Variants in ECM2 observed in about 807,000 individuals in gnomAD.
ECM2 encodes the protein extracellular matrix protein 2.
ECM2 carries 57 observed loss-of-function variants against 67.5 expected under a neutral mutation model. The ratio of observed to expected loss-of-function variants is 0.84; its 90% CI spans 0.68 to 1.05. ECM2 has a LOEUF of 1.05. ECM2 is among the 50% of genes least tolerant of loss of function. ECM2 has a pLI of 0.00. For synonymous variants in ECM2, 258 were observed against 294.5 expected (o/e 0.88, Z 1.27); for missense variants, 741 against 822.8 (o/e 0.90, Z 1.22).
intron 1 of ECM2, among the ~76,000 whole-genome samples, chr9:92,529,917 G>A (rs1471659578): frequency 2.6e-5 from 4 of 152,130 alleles, no homozygotes; most frequent in African/African-American, 7.2e-5. Context: ...AACCATGAGC[G>A]AAAAATGTAG....
Position 92,505,643 on chromosome 9 carries a change from C to T in ECM2, c.1354G>A (p.Glu452Lys). The change falls in exon 7 of 10, where the codon GAA becomes AAA. Residue 452 changes from glutamate to lysine, a missense_variant. Glu to Lys is a moderately conservative substitution (Grantham distance 56). Transcript: ENST00000344604. ...AAAGCTAAAGGATTGACATTGGCTT[C>T]ACTGAGATTGTTTCCTTCCAATTCT... Reference protein sequence around the residue: ...TLELEGNNLSEANVNPLAFKP... With the variant: ...TLELEGNNLSKANVNPLAFKP... The T allele has an allele frequency of 6.2e-7, 1 of 1,607,806 alleles. No individual in the cohort carries two copies. The highest frequency in any genetic ancestry group is 8.5e-7 in the Non-Finnish European group (1 of 1,178,272).
intron 8 of ECM2, 61 bp downstream of exon 8, chr9:92,502,452 G>GT (rs1409184564): frequency 4.4e-6 from 7 of 1,574,908 alleles, no homozygotes; most frequent in Non-Finnish European, 6.1e-6. Context: ...TCCATACTCT[G>GT]TTTAATAATA....
intron 2 of ECM2, among the ~76,000 whole-genome samples, chr9:92,521,532 T>G (rs1330326613): frequency 6.6e-6 from 1 of 152,204 alleles, no homozygotes; most frequent in East Asian, 1.9e-4. Context: ...AGACAATATA[T>G]GAAATACTGG....
chr9:92,532,027 T>TTTG (rs1848817869), intron 1 of ECM2, among the ~76,000 whole-genome samples: 1 of 128,806 alleles, frequency 7.8e-6, no homozygotes, highest in African/African-American at 3.5e-5. Flanking sequence ...TTTTTTTTTT[T>TTTG]TATTTTATTT....
the ECM2 span, among the ~76,000 whole-genome samples, chr9:92,543,736 T>C: frequency 6.6e-6 from 1 of 152,180 alleles, no homozygotes; most frequent in Non-Finnish European, 1.5e-5. Flanking sequence ...CAGCGATTTA[T>C]AGGTTTCAGT....
At chr9:92,523,306 G>C (rs949486621) in intron 1 of ECM2, among the ~76,000 whole-genome samples, 1 of 152,080 alleles carries the variant, frequency 6.6e-6, no homozygotes, top group African/African-American at 2.4e-5. Context: ...TTTCTATAAA[G>C]GGCCAGATAG....
chr9:92,519,466 G>A (rs547039633), intron 2 of ECM2, among the ~76,000 whole-genome samples: 2 of 152,310 alleles, frequency 1.3e-5, no homozygotes, highest in Middle Eastern at 6.8e-3. Context: ...ACTAGTATAA[G>A]CATAGACGTA....
chr9:92,517,363 G>T, intron 3 of ECM2: 1 of 505,026 alleles, frequency 2.0e-6, no homozygotes, highest in East Asian at 3.5e-5. Flanking sequence ...GACCAAAGCA[G>T]AGCCCTTAAT....
chr9:92,532,030 T>TC (rs1236230389), intron 1 of ECM2, among the ~76,000 whole-genome samples: 1 of 125,758 alleles, frequency 8.0e-6, no homozygotes, highest in East Asian at 2.2e-4. Flanking sequence ...TTTTTTTTTA[T>TC]TTTATTTTTT....
At chr9:92,532,306 A>T (rs1489209031) in intron 1 of ECM2, among the ~76,000 whole-genome samples, 3 of 150,432 alleles carry the variant, frequency 2.0e-5, no homozygotes, top group African/African-American at 4.9e-5. Flanking sequence ...CAGCTGTTTC[A>T]CTCTGTATAC....
chr9:92,553,260 A>T, the ECM2 span, among the ~76,000 whole-genome samples: 1 of 152,128 alleles, frequency 6.6e-6, no homozygotes, highest in African/African-American at 2.4e-5. Context: ...ATTCTGTTCC[A>T]TTGGTCTATA....
the ECM2 span, among the ~76,000 whole-genome samples, chr9:92,549,803 C>T: frequency 6.6e-6 from 1 of 152,132 alleles, no homozygotes; most frequent in Non-Finnish European, 1.5e-5. Flanking sequence ...CAGTGGAGAA[C>T]ATAGATGTAC....
the ECM2 span, among the ~76,000 whole-genome samples, chr9:92,555,137 G>A: frequency 6.7e-5 from 10 of 149,092 alleles, 1 homozygote; most frequent in South Asian, 6.4e-4. Flanking sequence ...GTGTCAAAAC[G>A]ATTGGTATCA....
In ECM2 at chr9:92,514,863, ATCC is replaced by A. The variant is rs752071573; in HGVS notation, c.819_821del (p.Glu273del). 2.0e-5 allele frequency: 32 copies of A among 1,607,368 alleles called. No homozygotes were observed. The highest frequency in any genetic ancestry group is 2.3e-5 in the Non-Finnish European group (27 of 1,176,128). ...CACCCTCCTCACCCTCCTCCTCCTC[ATCC>A]TCCTCCTCCTCCCTTCCTTGGCGTT... On this transcript the variant is annotated inframe_deletion, in exon 4 of 10. Transcript: ENST00000344604.
chr9:92,544,711 A>C, the ECM2 span, among the ~76,000 whole-genome samples: 5 of 118,848 alleles, frequency 4.2e-5, no homozygotes, highest in African/African-American at 1.9e-4. Context: ...TATCACTATA[A>C]ATTTTTTTTT....
intron 1 of ECM2, among the ~76,000 whole-genome samples, chr9:92,533,073 C>T (rs117429443): frequency 0.04 from 6,042 of 151,324 alleles, 184 homozygotes; most frequent in South Asian, 0.099. Context: ...CCAAGGCTAG[C>T]GGATCACAAG....
intron 9 of ECM2, among the ~76,000 whole-genome samples, chr9:92,499,391 A>T (rs1057011201): frequency 1.3e-5 from 2 of 152,218 alleles, no homozygotes; most frequent in African/African-American, 4.8e-5. Flanking sequence ...ATTCCAGCTA[A>T]TGAGCATGAG....
In ECM2 at chr9:92,514,658, G is replaced by T; in HGVS notation, c.1027C>A (p.Pro343Thr). Reference sequence around the variant, plus strand: ...GTGAGCTCCAGACTTGTTATCTGTGGTGCTGTCAGCGGTGGTATCTGGGTA... The same window carrying T: ...GTGAGCTCCAGACTTGTTATCTGTGTTGCTGTCAGCGGTGGTATCTGGGTA... ...MLTQIPPLTA[P>T]QITSLELTGN... The change falls in exon 4 of 10, where the codon CCA (proline) becomes ACA (threonine). Residue 343 changes from proline to threonine, a missense_variant. By Grantham distance (38) the Pro-to-Thr change is conservative. Transcript: ENST00000344604. The T allele has an allele frequency of 6.3e-7, 1 of 1,596,494 alleles. No individual in the cohort carries two copies. The highest frequency in any genetic ancestry group is 8.6e-7 in the Non-Finnish European group (1 of 1,169,402).
chr9:92,545,006 G>A, the ECM2 span, among the ~76,000 whole-genome samples: 1 of 152,198 alleles, frequency 6.6e-6, no homozygotes, highest in Non-Finnish European at 1.5e-5. Flanking sequence ...TTACCGGTGT[G>A]AGCAACCACG....
Sources: gnomAD v4.1 joint callset for allele counts (sites outside exome capture counted in the v4.1 genomes callset) on GRCh38, gnomAD v4.1.1 for gene constraint, MANE v1.5 for transcripts, NCBI Gene and HGNC (gene_info 2026-07-23, HGNC 2026-07-21) for gene names.